PARD3B: variants seen among roughly 807,000 people sequenced by gnomAD.
PARD3B encodes par-3 family cell polarity regulator beta, also known as partitioning defective 3 homolog B.
PARD3B carries 103 observed loss-of-function variants against 130.2 expected under a neutral mutation model. The observed-to-expected ratio is 0.79, with a 90% CI of 0.67 to 0.93. The LOEUF is 0.93. Among genes scored for constraint, PARD3B ranks in the 40% least tolerant of loss-of-function variants. The probability of loss-of-function intolerance (pLI) is 0.00; values close to 1 mark genes in which losing one functional copy is unlikely to be tolerated. For missense variants in PARD3B, 1,609 were observed against 1,499.2 expected (o/e 1.07, Z -1.21); for synonymous variants, 583 against 553.2 (o/e 1.05, Z -0.76).
chr2:205,038,942 T>C (rs1698195708), intron 3 of PARD3B, among the ~76,000 whole-genome samples: 1 of 152,176 alleles, frequency 6.6e-6, no homozygotes, highest in Non-Finnish European at 1.5e-5. Context: ...CATCACAGTA[T>C]CTGAAAGCAT....
intron 1 of PARD3B, among the ~76,000 whole-genome samples, chr2:204,585,102 G>A (rs982218319): frequency 6.6e-6 from 1 of 152,164 alleles, no homozygotes; most frequent in Non-Finnish European, 1.5e-5. Context: ...GATGCCACCT[G>A]AAGTGCATGT....
At chr2:205,205,271 C>T (rs769112238) in intron 15 of PARD3B, among the ~76,000 whole-genome samples, 1 of 152,100 alleles carries the variant, frequency 6.6e-6, no homozygotes, top group Admixed American at 6.5e-5. Flanking sequence ...TATAGGAATG[C>T]TTGTGATTTT....
chr2:205,396,394 G>A (rs909562665), intron 18 of PARD3B, among the ~76,000 whole-genome samples: 1 of 152,098 alleles, frequency 6.6e-6, no homozygotes, highest in African/African-American at 2.4e-5. Flanking sequence ...GACAGCTAGT[G>A]GATACCTAAT....
rs1325763061 is a variant in PARD3B, at chr2:204,806,179, CAA to C, written c.222+119899_222+119900del. ...GGAACCACAAACGACCCAGAATAGT[CAA>C]AGACATCTGGAACAAAAAGAACAAA... On this transcript the variant is annotated intron_variant, in intron 2 of 22. Transcript: ENST00000406610. Among the ~76,000 whole-genome samples, 27 of 151,896 alleles carry C rather than the reference CAA, an allele frequency of 1.8e-4. 1 individual carries two copies. The highest frequency in any genetic ancestry group is 1.4e-3 in the Admixed American group (22 of 15,252).
intron 2 of PARD3B, among the ~76,000 whole-genome samples, chr2:204,795,330 G>C (rs970797904): frequency 6.6e-6 from 1 of 152,130 alleles, no homozygotes; most frequent in Non-Finnish European, 1.5e-5. Context: ...AAACAGGAAG[G>C]GTCTGTGAGT....
chr2:204,998,404 GTGTATATATATGTATA>G (rs1694495009), intron 3 of PARD3B, among the ~76,000 whole-genome samples: 1 of 58,258 alleles, frequency 1.7e-5, no homozygotes, highest in African/African-American at 7.5e-5. Flanking sequence ...ATGTATATAT[GTGTATATATATGTATA>G]TATGTGTATA....
At chr2:204,556,723 C>G (rs1316906334) in intron 1 of PARD3B, among the ~76,000 whole-genome samples, 4 of 152,002 alleles carry the variant, frequency 2.6e-5, no homozygotes, top group Non-Finnish European at 1.5e-5. Context: ...CATTTTGTTA[C>G]GAATATACTC....
At chr2:205,065,632 G>A (rs1312530369) in intron 4 of PARD3B, among the ~76,000 whole-genome samples, 3 of 152,100 alleles carry the variant, frequency 2.0e-5, no homozygotes, top group Non-Finnish European at 4.4e-5. Flanking sequence ...TGCTGTTCTG[G>A]TGGTAGTAAC....
chr2:205,284,491 A>T (rs1472232024), intron 16 of PARD3B, among the ~76,000 whole-genome samples: 1 of 152,136 alleles, frequency 6.6e-6, no homozygotes, highest in Non-Finnish European at 1.5e-5. Context: ...CAGTCCTCTA[A>T]ATGGGCCCCT....
At chr2:204,692,235 A>G (rs1168617686) in intron 2 of PARD3B, among the ~76,000 whole-genome samples, 1 of 152,126 alleles carries the variant, frequency 6.6e-6, no homozygotes, top group African/African-American at 2.4e-5. Context: ...AGACTCAGGC[A>G]TGGAGAATAA....
chr2:205,330,316 G>GGGAGAC (rs2043076268), intron 18 of PARD3B, among the ~76,000 whole-genome samples: 1 of 152,100 alleles, frequency 6.6e-6, no homozygotes, highest in African/African-American at 2.4e-5. Flanking sequence ...ACTCCAGCCT[G>GGGAGAC]GGAGACAGAG....
intron 21 of PARD3B, among the ~76,000 whole-genome samples, chr2:205,526,643 AC>A (rs1328484999): frequency 6.6e-6 from 1 of 152,040 alleles, no homozygotes; most frequent in East Asian, 1.9e-4. Flanking sequence ...CCATACCACT[AC>A]CTTTTTTAGT....
intron 21 of PARD3B, among the ~76,000 whole-genome samples, chr2:205,529,753 T>C (rs1045770842): frequency 6.6e-5 from 10 of 152,240 alleles, no homozygotes; most frequent in African/African-American, 2.4e-4. Context: ...CTTTTTCTTA[T>C]GGATGTAATA....
chr2:204,806,225 C>G (rs544482934), intron 2 of PARD3B, among the ~76,000 whole-genome samples: 1 of 152,202 alleles, frequency 6.6e-6, no homozygotes, highest in East Asian at 1.9e-4. Flanking sequence ...AATCATACTA[C>G]CTGACTTCAA....
chr2:204,935,563 A>AAT (rs949545373), intron 2 of PARD3B, among the ~76,000 whole-genome samples: 2 of 150,970 alleles, frequency 1.3e-5, no homozygotes, highest in Non-Finnish European at 3.0e-5. Context: ...AAGAATGTAA[A>AAT]ATATATATAT....
intron 2 of PARD3B, among the ~76,000 whole-genome samples, chr2:204,892,717 G>C (rs2046495195): frequency 6.6e-6 from 1 of 152,102 alleles, no homozygotes; most frequent in South Asian, 2.1e-4. Flanking sequence ...TGTGAAGGCA[G>C]CCTCAAAAAG....
chr2:205,525,303 A>G lies in PARD3B; in HGVS notation c.3180+25272A>G, dbSNP rs944625619. ...GAGTGGGGTCTCTGGAAAATATAGTAACAAAGCTGGTTTTCTAGTCACATG... is the reference window on the plus strand; with the variant it reads ...GAGTGGGGTCTCTGGAAAATATAGTGACAAAGCTGGTTTTCTAGTCACATG... On this transcript the variant is annotated intron_variant, in intron 21 of 22. Transcript: ENST00000406610. This position sits in a 1 kb window ranked among gnomAD's most constrained non-coding sequence, Gnocchi z 4.2. 2.6e-5 allele frequency among the ~76,000 whole-genome samples: 4 copies of G among 152,190 alleles called. No homozygotes were observed. Among genetic ancestry groups the G allele is most frequent in the African/African-American group, 9.7e-5 (4 of 41,442 alleles).
intron 20 of PARD3B, among the ~76,000 whole-genome samples, chr2:205,479,668 C>T (rs1490891675): frequency 6.6e-6 from 1 of 152,216 alleles, no homozygotes; most frequent in Non-Finnish European, 1.5e-5. Flanking sequence ...TCTGCAACAA[C>T]CTCTATTCTG....
At chr2:204,844,970 C>G (rs1054706624) in intron 2 of PARD3B, among the ~76,000 whole-genome samples, 8 of 151,992 alleles carry the variant, frequency 5.3e-5, no homozygotes, top group South Asian at 2.1e-4. Flanking sequence ...ATTTCTAGGT[C>G]AAATTATTAA....
Sources: gnomAD v4.1 joint callset for allele counts (sites outside exome capture counted in the v4.1 genomes callset) on GRCh38, gnomAD v4.1.1 for gene constraint, Gnocchi (gnomAD v3.1) non-coding constraint, MANE v1.5 for transcripts, NCBI Gene and HGNC (gene_info 2026-07-23, HGNC 2026-07-21) for gene names.